USP6NL: variants seen among roughly 807,000 people sequenced by gnomAD.
USP6NL encodes the protein USP6 N-terminal-like protein.
In USP6NL, 26 loss-of-function variants were observed where a neutral mutation model predicts 61.9. The ratio of observed to expected loss-of-function variants is 0.42; its 90% CI spans 0.31 to 0.58. The LOEUF (loss-of-function observed/expected upper bound fraction) is 0.58, where lower values mean the gene tolerates loss of function less well. Among genes scored for constraint, USP6NL ranks in the 20% least tolerant of loss-of-function variants. The pLI is 0.16. For missense variants in USP6NL, 1,114 were observed against 1,034.3 expected, an observed-to-expected ratio of 1.08 and a Z score of -1.06; for synonymous variants, 432 against 390.1, an observed-to-expected ratio of 1.11 and a Z score of -1.27.
At chr10:11,538,707 T>C (rs1208114416) in intron 2 of USP6NL, among the ~76,000 whole-genome samples, 1 of 152,234 alleles carries the variant, frequency 6.6e-6, no homozygotes, top group African/African-American at 2.4e-5. Flanking sequence ...ATTCCATTTA[T>C]TCTATTTCAA....
intron 3 of USP6NL, among the ~76,000 whole-genome samples, chr10:11,526,443 T>A (rs1835424109): frequency 6.6e-6 from 1 of 152,050 alleles, no homozygotes; most frequent in African/African-American, 2.4e-5. Context: ...GGGAAAAAAA[T>A]GCACACAAGC....
chr10:11,543,956 T>C (rs1836172062), intron 2 of USP6NL, among the ~76,000 whole-genome samples: 1 of 151,666 alleles, frequency 6.6e-6, no homozygotes, highest in Admixed American at 6.6e-5. Context: ...GAACTACTGG[T>C]GCTTGCTACC....
rs1394161362 is a variant in USP6NL at position 11,463,466 on chromosome 10, T to G, written c.1462A>C (p.Asn488His). 1 of 1,614,080 alleles carries G rather than the reference T, an allele frequency of 6.2e-7. No individual in the cohort carries two copies. The highest frequency in any genetic ancestry group is 8.5e-7 in the Non-Finnish European group (1 of 1,179,904). The change falls in exon 15 of 15, where the codon AAT becomes CAT. Residue 488 changes from asparagine to histidine, a missense_variant. Coordinates refer to ENST00000609104, the MANE Select transcript of USP6NL (RefSeq NM_014688.5). The surrounding 1 kb of genome is among the most constrained non-coding windows in gnomAD (Gnocchi z 6.3). ...NIRKEFVPKW[N>H]KPSDVSATER... Reference sequence around the variant, plus strand: ...GTAGCTGAGACGTCTGACGGTTTATTCCATTTGGGCACAAACTCCTTCCTG... The same window carrying G: ...GTAGCTGAGACGTCTGACGGTTTATGCCATTTGGGCACAAACTCCTTCCTG...
intron 2 of USP6NL, among the ~76,000 whole-genome samples, chr10:11,550,019 T>C (rs1423790396): frequency 6.6e-6 from 1 of 152,212 alleles, no homozygotes; most frequent in Non-Finnish European, 1.5e-5. Context: ...CCAACATAAT[T>C]GAAGTGGGGA....
At position 11,562,287 on chromosome 10, in the gene USP6NL, C is replaced by T; in HGVS notation, c.5-34720G>A. The T allele has an allele frequency of 1.4e-6, 1 of 707,964 alleles. No individual in the cohort carries two copies. The highest frequency in any genetic ancestry group is 1.7e-6 in the Non-Finnish European group (1 of 576,086). The allele number at this position is 707,964 out of a possible 1,614,324, so 43.9% of individuals were successfully genotyped here. On this transcript the variant is annotated intron_variant, in intron 2 of 14. Coordinates refer to ENST00000609104, the MANE Select transcript of USP6NL (RefSeq NM_014688.5). This position sits in a 1 kb window ranked among gnomAD's most constrained non-coding sequence, Gnocchi z 4.8. ...AAAAAAAAAAAAAAAAAATTGCATTCCCAGGACCCCCCTGCAGCTAGCAGC... is the reference window on the plus strand; with the variant it reads ...AAAAAAAAAAAAAAAAAATTGCATTTCCAGGACCCCCCTGCAGCTAGCAGC...
At chr10:11,554,080 A>G (rs1392192844) in intron 2 of USP6NL, among the ~76,000 whole-genome samples, 1 of 152,180 alleles carries the variant, frequency 6.6e-6, no homozygotes, top group East Asian at 1.9e-4. Flanking sequence ...CTCATTAGGT[A>G]AAGATGGTTG....
chr10:11,543,618 G>T (rs1274817379), intron 2 of USP6NL, among the ~76,000 whole-genome samples: 1 of 151,470 alleles, frequency 6.6e-6, no homozygotes, highest in African/African-American at 2.4e-5. Context: ...TTCCTAATAG[G>T]GAATATATTC....
At chr10:11,605,770 A>G (rs1838687283) in intron 1 of USP6NL, among the ~76,000 whole-genome samples, 1 of 152,196 alleles carries the variant, frequency 6.6e-6, no homozygotes. Context: ...AGTAGATTAG[A>G]AATGAAGACT....
At chr10:11,582,583 T>A (rs377533977) in intron 2 of USP6NL, among the ~76,000 whole-genome samples, 6 of 152,238 alleles carry the variant, frequency 3.9e-5, no homozygotes, top group African/African-American at 1.4e-4. Flanking sequence ...GATGACAACA[T>A]TATCCTTCTC....
At chr10:11,581,795 C>G (rs369481364) in intron 2 of USP6NL, among the ~76,000 whole-genome samples, 2 of 152,174 alleles carry the variant, frequency 1.3e-5, no homozygotes, top group African/African-American at 4.8e-5. Context: ...GTTTTTGAGA[C>G]GGAGTCTCAT....
chr10:11,587,536 T>C lies in USP6NL; in HGVS notation c.4+10095A>G, dbSNP rs979230594. Among the ~76,000 whole-genome samples, 1 of 152,218 alleles carries C rather than the reference T, an allele frequency of 6.6e-6. No homozygotes were observed. The highest frequency in any genetic ancestry group is 1.5e-5 in the Non-Finnish European group (1 of 68,030). On this transcript the variant is annotated intron_variant, in intron 2 of 14. Coordinates refer to ENST00000609104, the MANE Select transcript of USP6NL (RefSeq NM_014688.5). This position sits in a 1 kb window ranked among gnomAD's most constrained non-coding sequence, Gnocchi z 4.5. ...ATCAGAGTCTTAAAATGTCCATTTA[T>C]TCTATTTTTGGCTAAAGAAAATGTA... is the stretch of plus-strand genomic sequence containing the variant.
rs577831766 is a variant in USP6NL, at chr10:11,463,707, C to T, written c.1221G>A (p.Ala407=). The change falls in exon 15 of 15, where the codon GCG becomes GCA. Residue 407 remains alanine (A), a synonymous_variant. Transcript: ENST00000609104. This position sits in a 1 kb window ranked among gnomAD's most constrained non-coding sequence, Gnocchi z 6.3. Reference sequence around the variant, plus strand: ...GGGAGTGCTCGTGCCTCCTGTGGGGCGCCCCGCTCTCCCTCCTGCCGCTGG... The same window carrying T: ...GGGAGTGCTCGTGCCTCCTGTGGGGTGCCCCGCTCTCCCTCCTGCCGCTGG... ...PLASGRRESG[A]PHRRHEHSPH... 13 of 1,611,562 alleles carry T rather than the reference C, an allele frequency of 8.1e-6. No individual in the cohort carries two copies. The highest frequency in any genetic ancestry group is 1.7e-5 in the Admixed American group (1 of 59,852).
Position 11,462,322 on chromosome 10 carries a change from A to G in USP6NL, c.*119T>C. The G allele has an allele frequency of 8.4e-7, 1 of 1,191,422 alleles. No individual in the cohort carries two copies. The highest frequency in any genetic ancestry group is 1.1e-6 in the Non-Finnish European group (1 of 871,118). The allele number at this position is 1,191,422 out of a possible 1,614,324, so 73.8% of individuals were successfully genotyped here. A position where few individuals can be genotyped will look rare whatever the true frequency, so the allele number is the denominator to read the frequency against. On this transcript the variant is annotated 3_prime_UTR_variant, in exon 15 of 15. Coordinates refer to ENST00000609104, the MANE Select transcript of USP6NL (RefSeq NM_014688.5). ...ATTTCCCTGTATTCTTACTACTAAC[A>G]GACAGGAGAGATGTGCGAGTTGTTT...
chr10:11,497,309 G>T (rs1833974823), intron 7 of USP6NL, among the ~76,000 whole-genome samples: 1 of 151,204 alleles, frequency 6.6e-6, no homozygotes, highest in Admixed American at 6.6e-5. Context: ...TACTCAGGAG[G>T]CTGAGGCAGG....
intron 2 of USP6NL, chr10:11,563,083 A>G (rs1297295114): frequency 6.6e-6 from 1 of 152,222 alleles, no homozygotes; most frequent in African/African-American, 2.4e-5. Context: ...ACTCTGGTAC[A>G]TCCATACTGT....
chr10:11,505,574 T>A (rs1834395249), intron 6 of USP6NL, among the ~76,000 whole-genome samples: 1 of 152,206 alleles, frequency 6.6e-6, no homozygotes, highest in Non-Finnish European at 1.5e-5. Flanking sequence ...ATTTGAAAAG[T>A]ATCACCTTTA....
At position 11,476,996 on chromosome 10, in the gene USP6NL, C is replaced by G. The variant is rs907478502; in HGVS notation, c.1078+4774G>C. ...AAGCAATCCTCCTGCCTCAGCCTCC[C>G]GAGTAGTTGGGATTACAGGCACCTG... is the stretch of plus-strand genomic sequence containing the variant. On this transcript the variant is annotated intron_variant, in intron 14 of 14. Coordinates refer to ENST00000609104, the MANE Select transcript of USP6NL (RefSeq NM_014688.5). This position sits in a 1 kb window ranked among gnomAD's most constrained non-coding sequence, Gnocchi z 4.3. Among the ~76,000 whole-genome samples, 9 of 152,154 alleles carry G rather than the reference C, an allele frequency of 5.9e-5. No homozygotes were observed. Among genetic ancestry groups the G allele is most frequent in the Admixed American group, 3.9e-4 (6 of 15,280 alleles).
Position 11,596,790 on chromosome 10 carries a change from A to G in USP6NL, c.4+841T>C. Among the ~76,000 whole-genome samples, 1 of 152,204 alleles carries G rather than the reference A, an allele frequency of 6.6e-6. No homozygotes were observed. The highest frequency in any genetic ancestry group is 1.5e-5 in the Non-Finnish European group (1 of 68,034). ...TAGAAGCACTCCAATATTTTACAACAGCAGCGTCATTTTCACTTATCTACT... is the reference window on the plus strand; with the variant it reads ...TAGAAGCACTCCAATATTTTACAACGGCAGCGTCATTTTCACTTATCTACT... On this transcript the variant is annotated intron_variant, in intron 2 of 14. Coordinates refer to ENST00000609104, the MANE Select transcript of USP6NL (RefSeq NM_014688.5). This position sits in a 1 kb window ranked among gnomAD's most constrained non-coding sequence, Gnocchi z 4.1.
At position 11,537,293 on chromosome 10, in the gene USP6NL, G is replaced by C. The variant is rs1292403804; in HGVS notation, c.5-9726C>G. ...TGTCTAGCTAATACTTGTATTTTTT[G>C]TCGAGACGGGATTTTGCCATGTTGC... is the stretch of plus-strand genomic sequence containing the variant. On this transcript the variant is annotated intron_variant, in intron 2 of 14. Coordinates refer to ENST00000609104, the MANE Select transcript of USP6NL (RefSeq NM_014688.5). This position sits in a 1 kb window ranked among gnomAD's most constrained non-coding sequence, Gnocchi z 5.1. 6.6e-6 allele frequency among the ~76,000 whole-genome samples: 1 copy of C among 152,026 alleles called. No individual in the cohort carries two copies. The highest frequency in any genetic ancestry group is 1.5e-5 in the Non-Finnish European group (1 of 68,012).
Sources: gnomAD v4.1 joint callset for allele counts (sites outside exome capture counted in the v4.1 genomes callset) on GRCh38, gnomAD v4.1.1 for gene constraint, Gnocchi (gnomAD v3.1) non-coding constraint, MANE v1.5 for transcripts, NCBI Gene and HGNC (gene_info 2026-07-23, HGNC 2026-07-21) for gene names.